Variants in GMDS observed in about 807,000 individuals in gnomAD.
GMDS encodes the protein GDP-mannose 4,6 dehydratase.
GMDS carries 20 observed loss-of-function variants against 49.9 expected under a neutral mutation model. The ratio of observed to expected loss-of-function variants is 0.40; its 90% CI spans 0.28 to 0.58. The LOEUF is 0.58. GMDS is among the 20% of genes least tolerant of loss of function. The pLI is 0.42. For synonymous variants in GMDS, 177 were observed against 178.6 expected, an observed-to-expected ratio of 0.99 and a Z score of 0.07; for missense variants, 362 against 481.4, an observed-to-expected ratio of 0.75 and a Z score of 2.32.
chr6:1,982,142 C>T (rs1478639396), intron 4 of GMDS, among the ~76,000 whole-genome samples: 5 of 152,090 alleles, frequency 3.3e-5, no homozygotes, highest in Non-Finnish European at 7.4e-5. Flanking sequence ...CCCATCTCTA[C>T]TAAAAATACA....
intron 7 of GMDS, among the ~76,000 whole-genome samples, chr6:1,916,209 C>T (rs1396276987): frequency 6.6e-6 from 1 of 151,942 alleles, no homozygotes; most frequent in Non-Finnish European, 1.5e-5. Flanking sequence ...GAAAGGAAGA[C>T]CAGCAGCCAC....
intron 7 of GMDS, among the ~76,000 whole-genome samples, chr6:1,850,038 T>C (rs1185799586): frequency 2.0e-5 from 3 of 152,236 alleles, no homozygotes; most frequent in African/African-American, 7.2e-5. Context: ...GATCATCATG[T>C]GTTCCAACGT....
At chr6:1,877,644 T>TTA (rs1759142112) in intron 7 of GMDS, among the ~76,000 whole-genome samples, 1 of 90,540 alleles carries the variant, frequency 1.1e-5, no homozygotes, top group African/African-American at 4.2e-5. Flanking sequence ...TCTCAAAAAT[T>TTA]AAAAAAAAAA....
chr6:1,644,037 C>T (rs764283289), intron 9 of GMDS, among the ~76,000 whole-genome samples: 29 of 152,282 alleles, frequency 1.9e-4, no homozygotes, highest in Admixed American at 5.9e-4. Flanking sequence ...CTCTGAGCCC[C>T]AGGGCCCAGC....
chr6:1,823,992 C>G (rs551736375), intron 7 of GMDS, among the ~76,000 whole-genome samples: 1 of 152,212 alleles, frequency 6.6e-6, no homozygotes, highest in African/African-American at 2.4e-5. Flanking sequence ...TCAGGCTGTT[C>G]TCATGACGGG....
chr6:1,895,909 C>G (rs1040185137), intron 7 of GMDS, among the ~76,000 whole-genome samples: 1 of 152,166 alleles, frequency 6.6e-6, no homozygotes, highest in Non-Finnish European at 1.5e-5. Flanking sequence ...CTTTCTTTCC[C>G]TATCCATTCT....
At chr6:1,959,195 G>A (rs1298594758) in intron 6 of GMDS, among the ~76,000 whole-genome samples, 1 of 152,156 alleles carries the variant, frequency 6.6e-6, no homozygotes, top group East Asian at 1.9e-4. Flanking sequence ...ATCATATTAA[G>A]TATTTCTCAA....
chr6:1,662,679 G>A (rs931214141), intron 9 of GMDS, among the ~76,000 whole-genome samples: 1 of 152,140 alleles, frequency 6.6e-6, no homozygotes, highest in East Asian at 1.9e-4. Context: ...TATATAAACT[G>A]TCCTGAGAGC....
intron 4 of GMDS, among the ~76,000 whole-genome samples, chr6:2,091,394 G>A (rs1773303784): frequency 6.6e-6 from 1 of 152,194 alleles, no homozygotes; most frequent in South Asian, 2.1e-4. Context: ...AAGTGATAAT[G>A]AGCTACAAGG....
At chr6:1,646,809 T>C (rs529861381) in intron 9 of GMDS, among the ~76,000 whole-genome samples, 33 of 152,324 alleles carry the variant, frequency 2.2e-4, no homozygotes, top group African/African-American at 6.7e-4. Context: ...GACTCCCCAC[T>C]TCTGCACATT....
At chr6:1,867,197 A>G (rs1338214126) in intron 7 of GMDS, among the ~76,000 whole-genome samples, 1 of 152,244 alleles carries the variant, frequency 6.6e-6, no homozygotes, top group Non-Finnish European at 1.5e-5. Flanking sequence ...TGACCATTTT[A>G]AAAGTGAAAA....
rs1376945809 is a variant in GMDS at position 2,245,369 on chromosome 6, C to T, written c.54G>A (p.Glu18=). ...CPSARGSGDG[E]MGKPRNVALI... is the part of the protein sequence containing the mutation. ...GCGCCACGTTCCTGGGCTTGCCCAT[C>T]TCGCCGTCCCCGGAGCCCCGGGCGC... The change falls in exon 1 of 11, where the codon GAG becomes GAA. Residue 18 remains glutamate (E), a synonymous_variant. Coordinates refer to ENST00000380815, the MANE Select transcript of GMDS (RefSeq NM_001500.4). 9 of 1,551,460 alleles carry T rather than the reference C, an allele frequency of 5.8e-6. No individual in the cohort carries two copies. The highest frequency in any genetic ancestry group is 7.8e-6 in the Non-Finnish European group (9 of 1,154,212).
chr6:2,154,721 C>T (rs1161818706), intron 1 of GMDS, among the ~76,000 whole-genome samples: 2 of 151,744 alleles, frequency 1.3e-5, no homozygotes, highest in Non-Finnish European at 2.9e-5. Context: ...CCCAGATATG[C>T]AATTATATGA....
chr6:1,937,069 C>T (rs1027769789), intron 6 of GMDS, among the ~76,000 whole-genome samples: 3 of 151,996 alleles, frequency 2.0e-5, no homozygotes, highest in Non-Finnish European at 4.4e-5. Flanking sequence ...TTAGATACAC[C>T]AATACACATT....
intron 4 of GMDS, among the ~76,000 whole-genome samples, chr6:2,059,510 C>T (rs1770997713): frequency 1.3e-5 from 2 of 149,478 alleles, no homozygotes; most frequent in Non-Finnish European, 3.0e-5. Flanking sequence ...AGATCGAGAC[C>T]ATCCTGGCTA....
chr6:2,234,710 C>G (rs1415960261), intron 1 of GMDS, among the ~76,000 whole-genome samples: 1 of 152,036 alleles, frequency 6.6e-6, no homozygotes, highest in Non-Finnish European at 1.5e-5. Context: ...ATGGTAGACA[C>G]CAGAGAAACA....
At chr6:1,809,768 T>G (rs933574475) in intron 7 of GMDS, among the ~76,000 whole-genome samples, 1 of 152,150 alleles carries the variant, frequency 6.6e-6, no homozygotes, top group Non-Finnish European at 1.5e-5. Flanking sequence ...AATCTTGGTA[T>G]AAAAGAAAAG....
intron 2 of GMDS, among the ~76,000 whole-genome samples, chr6:2,124,400 G>C (rs1775304984): frequency 6.6e-6 from 1 of 152,166 alleles, no homozygotes; most frequent in African/African-American, 2.4e-5. Flanking sequence ...CCCGAATCAT[G>C]TTACAGCTTC....
chr6:2,193,720 ATTT>A (rs35997013), intron 1 of GMDS, among the ~76,000 whole-genome samples: 3 of 111,774 alleles, frequency 2.7e-5, no homozygotes, highest in Non-Finnish European at 1.8e-5. Context: ...TGAAAATGCT[ATTT>A]TTTTTTTTTT....
Sources: gnomAD v4.1 joint callset for allele counts (sites outside exome capture counted in the v4.1 genomes callset) on GRCh38, gnomAD v4.1.1 for gene constraint, MANE v1.5 for transcripts, NCBI Gene and HGNC (gene_info 2026-07-23, HGNC 2026-07-21) for gene names.